The following DNAH17 variants were observed in gnomAD, a reference collection of about 807,000 sequenced individuals.
DNAH17 encodes the protein dynein axonemal heavy chain 17, also known as axonemal beta dynein heavy chain 17.
In DNAH17, 376 loss-of-function variants were observed where a neutral mutation model predicts 485.6. The observed-to-expected ratio is 0.77, with a 90% CI of 0.71 to 0.84. DNAH17 has a LOEUF of 0.84. Among genes scored for constraint, DNAH17 ranks in the 40% least tolerant of loss-of-function variants. The pLI, the probability that DNAH17 is intolerant of heterozygous loss-of-function variation, is 0.00. For synonymous variants in DNAH17, 3,031 were observed against 2,405.9 expected, an observed-to-expected ratio of 1.26 and a Z score of -7.60; for missense variants, 6,370 against 5,839.3, an observed-to-expected ratio of 1.09 and a Z score of -2.96.
chr17:78,558,388 T>C, intron 13 of DNAH17, 134 bp from the exon 14 acceptor site: 6 of 1,127,424 alleles, frequency 5.3e-6, no homozygotes, highest in Non-Finnish European at 7.4e-6. Context: ...TGGGAGGCAG[T>C]ATTTGTTGGC....
chr17:78,542,117 G>A (rs74256142), intron 17 of DNAH17, among the ~76,000 whole-genome samples: 4 of 18,168 alleles, frequency 2.2e-4, no homozygotes, highest in East Asian at 3.2e-3. Flanking sequence ...ACTGGAAACC[G>A]CCCCCCCCAA....
At chr17:78,476,505 G>A in intron 52 of DNAH17, 67 bp downstream of exon 52, 4 of 1,519,792 alleles carry the variant, frequency 2.6e-6, no homozygotes, top group Non-Finnish European at 3.5e-6. Context: ...GTTCTCATTG[G>A]CCGCCGACAC....
At position 78,494,156 on chromosome 17, in the gene DNAH17, G is replaced by A. The variant is rs776577762; in HGVS notation, c.6288C>T (p.Ile2096=). ...CCTCCGCCTGCAGCTTGAGCTCCACGATGCTCTGCTTGATGATCTGGGGAG... is the reference window on the plus strand; with the variant it reads ...CCTCCGCCTGCAGCTTGAGCTCCACAATGCTCTGCTTGATGATCTGGGGAG... ...LNFEKIIKQS[I]VELKLQAEDS... is the part of the protein sequence containing the mutation. Residue 2096 remains isoleucine, a synonymous_variant, in exon 41 of 81, where the codon ATC becomes ATT. Transcript: ENST00000389840. 3.5e-5 allele frequency: 56 copies of A among 1,612,128 alleles called. No homozygotes were observed. Among genetic ancestry groups the A allele is most frequent in the African/African-American group, 2.8e-4 (21 of 74,898 alleles).
chr17:78,466,627 T>G, intron 56 of DNAH17, 28 bp downstream of exon 56: 1 of 1,586,390 alleles, frequency 6.3e-7, no homozygotes, highest in Non-Finnish European at 8.6e-7. Flanking sequence ...GGCTCTACAC[T>G]CAGGCAGAGG....
intron 52 of DNAH17, 98 bp from the exon 53 acceptor site, chr17:78,475,931 A>T (rs1023828432): frequency 4.7e-5 from 65 of 1,381,286 alleles, no homozygotes; most frequent in Non-Finnish European, 6.0e-5. Flanking sequence ...GTGGCCTAGG[A>T]GGTCACCACG....
chr17:78,453,474 A>G lies in DNAH17; in HGVS notation c.10407-9T>C. The G allele has an allele frequency of 6.2e-7, 1 of 1,613,734 alleles. No individual in the cohort carries two copies. Among genetic ancestry groups the G allele is most frequent in the Non-Finnish European group, 8.5e-7 (1 of 1,179,702 alleles). Reference sequence around the variant, plus strand: ...CGATGACATCCAGGTAGCTGCGGGCACAACACGGAAGCTGGTTCATGGCAG... The same window carrying G: ...CGATGACATCCAGGTAGCTGCGGGCGCAACACGGAAGCTGGTTCATGGCAG... On this transcript the variant is annotated splice_polypyrimidine_tract_variant and intron_variant, in intron 64 of 80. Coordinates refer to ENST00000389840, the MANE Select transcript of DNAH17 (RefSeq NM_173628.4).
At chr17:78,514,074 G>A (rs1226942667) in intron 26 of DNAH17, among the ~76,000 whole-genome samples, 1 of 152,078 alleles carries the variant, frequency 6.6e-6, no homozygotes, top group African/African-American at 2.4e-5. Flanking sequence ...TGAGTTCCTG[G>A]GGTCATGAGG....
At chr17:78,505,545 G>A (rs2090459309) in intron 30 of DNAH17, 100 bp from the exon 31 acceptor site, 2 of 1,443,976 alleles carry the variant, frequency 1.4e-6, no homozygotes, top group East Asian at 4.6e-5. Context: ...CGTTCTTTTT[G>A]GAATATACTC....
intron 44 of DNAH17, among the ~76,000 whole-genome samples, chr17:78,488,456 C>A (rs545158629): frequency 2.6e-5 from 4 of 152,184 alleles, no homozygotes; most frequent in Non-Finnish European, 5.9e-5. Context: ...CCTTGGCCCA[C>A]GCTGCCTTCG....
intron 24 of DNAH17, among the ~76,000 whole-genome samples, chr17:78,525,713 C>A (rs2091050573): frequency 6.6e-6 from 1 of 152,350 alleles, no homozygotes; most frequent in South Asian, 2.1e-4. Context: ...GCTCTGGTCA[C>A]CAGCTGGAGC....
At position 78,573,597 on chromosome 17, in the gene DNAH17, C is replaced by CAAAA. The variant is rs112944174; in HGVS notation, c.346-707_346-704dup. Among the ~76,000 whole-genome samples, 281 of 119,552 alleles carry CAAAA rather than the reference C, an allele frequency of 2.4e-3. 2 individuals are homozygous for CAAAA. The highest frequency in any genetic ancestry group is 7.0e-3 in the African/African-American group (232 of 33,168). 78.4% of individuals were successfully genotyped at this position (119,552 alleles called of 152,430 possible). ...CTGGACAACAGAGCAAAAATACTGT[C>CAAAA]AAAAAAAAAAAAAAAGAGGTGAGTA... On this transcript the variant is annotated intron_variant, in intron 2 of 80. Coordinates refer to ENST00000389840, the MANE Select transcript of DNAH17 (RefSeq NM_173628.4).
chr17:78,436,964 C>T (rs2086869424), intron 74 of DNAH17, among the ~76,000 whole-genome samples: 1 of 152,078 alleles, frequency 6.6e-6, no homozygotes, highest in South Asian at 2.1e-4. Flanking sequence ...GAGGACAGAC[C>T]CCAGGCAGAT....
rs755052097 is a variant in DNAH17 at position 78,450,330 on chromosome 17, G to A, written c.10964C>T (p.Ala3655Val). 23 of 1,613,872 alleles carry A rather than the reference G, an allele frequency of 1.4e-5. No individual in the cohort carries two copies. The highest frequency in any genetic ancestry group is 1.6e-4 in the Middle Eastern group (1 of 6,078). ...NEARENYRPA[A>V]ERASLLYFIL... ...GAAGTAGAGCAGAGATGCCCTCTCC[G>A]CAGCCGGGCGGTAGTTCTCTCTCGC... Residue 3655 changes from alanine to valine, a missense_variant, in exon 68 of 81, where the codon GCG (alanine) becomes GTG (valine). Coordinates refer to ENST00000389840, the MANE Select transcript of DNAH17 (RefSeq NM_173628.4).
chr17:78,526,289 G>A (rs1168695179), intron 24 of DNAH17, among the ~76,000 whole-genome samples: 1 of 152,170 alleles, frequency 6.6e-6, no homozygotes, highest in Admixed American at 6.5e-5. Context: ...TAAGCCCAGG[G>A]GACAGGAAGC....
At chr17:78,500,593 C>T (rs776341362) in intron 35 of DNAH17, 132 bp from the exon 36 acceptor site, 7 of 843,050 alleles carry the variant, frequency 8.3e-6, no homozygotes, top group Non-Finnish European at 1.2e-5. Flanking sequence ...ACTGCAACCT[C>T]TGCCTCCTGG....
At chr17:78,456,359 T>A (rs2087800748) in intron 62 of DNAH17, among the ~76,000 whole-genome samples, 1 of 152,094 alleles carries the variant, frequency 6.6e-6, no homozygotes, top group Non-Finnish European at 1.5e-5. Context: ...CCCTTAGGAA[T>A]GCTGTGTTTC....
In DNAH17 at chr17:78,445,382, G is replaced by A. The variant is rs527692928; in HGVS notation, c.11334+176C>T. 2.6e-5 allele frequency among the ~76,000 whole-genome samples: 4 copies of A among 152,330 alleles called. 1 individual carries two copies. The highest frequency in any genetic ancestry group is 9.6e-5 in the African/African-American group (4 of 41,574). ...TCCCTATAGGAACGCAGAGCTATCT[G>A]TGAGCTGGCAGCCAGCCCATCTTGG... is the stretch of plus-strand genomic sequence containing the variant. On this transcript the variant is annotated intron_variant, in intron 70 of 80. Coordinates refer to ENST00000389840, the MANE Select transcript of DNAH17 (RefSeq NM_173628.4).
intron 36 of DNAH17, chr17:78,500,100 C>A: frequency 1.8e-6 from 1 of 562,068 alleles, no homozygotes; most frequent in Non-Finnish European, 3.1e-6. Context: ...TTTGGGGCTG[C>A]GTCTGTCCAC....
At chr17:78,499,483 C>T (rs190583897) in intron 36 of DNAH17, 71 of 158,824 alleles carry the variant, frequency 4.5e-4, no homozygotes, top group Non-Finnish European at 8.7e-4. Context: ...GATGGGGGCA[C>T]GTCTAGCAGG....
Sources: gnomAD v4.1 joint callset for allele counts (sites outside exome capture counted in the v4.1 genomes callset) on GRCh38, gnomAD v4.1.1 for gene constraint, MANE v1.5 for transcripts, NCBI Gene and HGNC (gene_info 2026-07-23, HGNC 2026-07-21) for gene names.